SLC25A16: variants seen among roughly 807,000 people sequenced by gnomAD.
SLC25A16 encodes solute carrier family 25 member 16, also known as mitochondrial coenzyme A transporter SLC25A16.
In SLC25A16, 39 loss-of-function variants were observed where a neutral mutation model predicts 41.5. The ratio of observed to expected loss-of-function variants is 0.94; its 90% confidence interval spans 0.73 to 1.23. The LOEUF (loss-of-function observed/expected upper bound fraction) is 1.23. SLC25A16 is among the 50% of genes most tolerant of loss of function. The pLI, the probability that SLC25A16 is intolerant of heterozygous loss-of-function variation, is 0.00. For synonymous variants in SLC25A16, 146 were observed against 147.8 expected, an observed-to-expected ratio of 0.99 and a Z score of 0.09; for missense variants, 421 against 426.9, an observed-to-expected ratio of 0.99 and a Z score of 0.12.
chr10:68,485,003 A>G (rs1297247044), intron 8 of SLC25A16, among the ~76,000 whole-genome samples: 1 of 152,252 alleles, frequency 6.6e-6, no homozygotes, highest in East Asian at 1.9e-4. Context: ...TTGTATTTAA[A>G]AAAAAGAAAC....
chr10:68,513,252 T>C (rs1181852486), intron 2 of SLC25A16, among the ~76,000 whole-genome samples: 1 of 147,748 alleles, frequency 6.8e-6, no homozygotes, highest in African/African-American at 2.5e-5. Flanking sequence ...TTACCAAAAA[T>C]ACAATAATTA....
chr10:68,485,231 A>G (rs1040566903), intron 8 of SLC25A16, among the ~76,000 whole-genome samples: 5 of 151,842 alleles, frequency 3.3e-5, no homozygotes, highest in Non-Finnish European at 4.4e-5. Flanking sequence ...CTGGGACTAC[A>G]GGCGCACACC....
chr10:68,527,277 G>T lies in SLC25A16; in HGVS notation c.99C>A (p.Asp33Glu). 6.5e-7 allele frequency: 1 copy of T among 1,548,288 alleles called. No individual in the cohort carries two copies. The highest frequency in any genetic ancestry group is 8.7e-7 in the Non-Finnish European group (1 of 1,145,842). Reference protein sequence around the residue: ...AGAGGPTTRRDFYWLRSFLAG... With the variant: ...AGAGGPTTRREFYWLRSFLAG... ...CCAGAAAGGAGCGCAGCCAGTAGAA[G>T]TCTCTGCGGGTTGTGGGCCCTCCGG... The change falls in exon 1 of 9, where the codon GAC becomes GAA. Residue 33 changes from aspartate (D) to glutamate (E), a missense_variant. Coordinates refer to ENST00000609923, the MANE Select transcript of SLC25A16 (RefSeq NM_152707.4).
At chr10:68,491,550 AT>A (rs1025252381) in intron 6 of SLC25A16, among the ~76,000 whole-genome samples, 32 of 151,478 alleles carry the variant, frequency 2.1e-4, no homozygotes, top group Non-Finnish European at 2.7e-4. Context: ...TGTTTGTTTG[AT>A]TTTTAGAGAC....
chr10:68,488,348 T>C lies in SLC25A16; in HGVS notation c.773+119A>G, dbSNP rs964502360. 8 of 645,294 alleles carry C rather than the reference T, an allele frequency of 1.2e-5. No homozygotes were observed. In the African/African-American group the frequency reaches 1.3e-4, roughly 11 times the overall value. 40.0% of individuals were successfully genotyped at this position (645,294 alleles called of 1,614,324 possible). A position where few individuals can be genotyped will look rare whatever the true frequency, so the allele number is the denominator to read the frequency against. ...AAAAAATGTATTAAATTGAGACCTA[T>C]ATTTTGCAAGGATCCTCTTTTTGAA... On this transcript the variant is annotated intron_variant, in intron 7 of 8. Transcript: ENST00000609923.
chr10:68,524,813 G>A (rs989238407), intron 1 of SLC25A16, among the ~76,000 whole-genome samples: 1 of 151,902 alleles, frequency 6.6e-6, no homozygotes, highest in Non-Finnish European at 1.5e-5. Flanking sequence ...GGATACGGAG[G>A]TTGCAGTGAG....
chr10:68,507,314 ACCCGTCTCGG>A (rs2052974895), intron 2 of SLC25A16, among the ~76,000 whole-genome samples: 1 of 151,464 alleles, frequency 6.6e-6, no homozygotes, highest in Non-Finnish European at 1.5e-5. Context: ...CTCGTGATCC[ACCCGTCTCGG>A]CCTCCCAAAG....
chr10:68,490,719 A>G (rs1260759280), intron 6 of SLC25A16, among the ~76,000 whole-genome samples: 1 of 152,076 alleles, frequency 6.6e-6, no homozygotes, highest in Non-Finnish European at 1.5e-5. Context: ...CAAAGAAAAC[A>G]AATACTTCCA....
chr10:68,523,291 C>T (rs1359869715), intron 1 of SLC25A16, among the ~76,000 whole-genome samples: 1 of 152,074 alleles, frequency 6.6e-6, no homozygotes, highest in East Asian at 1.9e-4. Flanking sequence ...CTGGGTGTCA[C>T]TATGTTGCCC....
intron 2 of SLC25A16, among the ~76,000 whole-genome samples, chr10:68,510,816 C>T (rs2053049954): frequency 1.3e-5 from 2 of 151,716 alleles, no homozygotes; most frequent in Admixed American, 6.6e-5. Context: ...CCCGCCTGGG[C>T]GACAGAGCAA....
At chr10:68,490,041 G>T (rs1371854322) in intron 6 of SLC25A16, among the ~76,000 whole-genome samples, 1 of 152,086 alleles carries the variant, frequency 6.6e-6, no homozygotes, top group Non-Finnish European at 1.5e-5. Flanking sequence ...TGGGAGGATT[G>T]CTCAAGCTCA....
At chr10:68,483,943 C>T (rs1246858640) in intron 8 of SLC25A16, among the ~76,000 whole-genome samples, 1 of 152,172 alleles carries the variant, frequency 6.6e-6, no homozygotes, top group Non-Finnish European at 1.5e-5. Flanking sequence ...GGATTACAGA[C>T]ATAAGCCACC....
At chr10:68,510,971 G>T (rs1441345650) in intron 2 of SLC25A16, among the ~76,000 whole-genome samples, 1 of 152,188 alleles carries the variant, frequency 6.6e-6, no homozygotes, top group Non-Finnish European at 1.5e-5. Flanking sequence ...CAGTGCAGTG[G>T]CTCACGCCTA....
rs534215282 is a variant in SLC25A16, at chr10:68,482,322, A to G, written c.*1110T>C. The G allele has an allele frequency of 1.1e-4, 17 of 152,642 alleles. No homozygotes were observed. The highest frequency in any genetic ancestry group is 3.6e-4 in the African/African-American group (15 of 41,586). 9.5% of individuals were successfully genotyped at this position (152,642 alleles called of 1,614,324 possible). A position where few individuals can be genotyped will look rare whatever the true frequency, so the allele number is the denominator to read the frequency against. On this transcript the variant is annotated 3_prime_UTR_variant, in exon 9 of 9. Transcript: ENST00000609923. ...ATGACACGCTTATAATAAATCATAAAAAGTACTCTAAACAGAATAAATGGA... is the reference window on the plus strand; with the variant it reads ...ATGACACGCTTATAATAAATCATAAGAAGTACTCTAAACAGAATAAATGGA...
At chr10:68,522,623 T>G (rs955923791) in intron 1 of SLC25A16, among the ~76,000 whole-genome samples, 6 of 151,858 alleles carry the variant, frequency 4.0e-5, no homozygotes, top group Non-Finnish European at 7.4e-5. Flanking sequence ...AGACCATCCT[T>G]GCTAACACGG....
At chr10:68,499,784 G>C (rs1483862983) in intron 4 of SLC25A16, 1 of 427,746 alleles carries the variant, frequency 2.3e-6, no homozygotes, top group African/African-American at 2.0e-5. Context: ...CACTGAATGA[G>C]TGCAGTGGGA....
chr10:68,509,793 AT>A (rs1228563174), intron 2 of SLC25A16, among the ~76,000 whole-genome samples: 3 of 150,654 alleles, frequency 2.0e-5, no homozygotes. Flanking sequence ...AGATAGATAT[AT>A]TTTTTAAAAA....
intron 1 of SLC25A16, among the ~76,000 whole-genome samples, chr10:68,518,427 A>C (rs1196928667): frequency 6.6e-6 from 1 of 152,028 alleles, no homozygotes; most frequent in Non-Finnish European, 1.5e-5. Flanking sequence ...AAAAGAAAAA[A>C]AAAGAAAACA....
chr10:68,488,576 G>C lies in SLC25A16; in HGVS notation c.664C>G (p.Pro222Ala), dbSNP rs777758361. 1 of 1,611,742 alleles carries C rather than the reference G, an allele frequency of 6.2e-7. No homozygotes were observed. Among genetic ancestry groups the C allele is most frequent in the Non-Finnish European group, 8.5e-7 (1 of 1,179,498 alleles). Reference sequence around the variant, plus strand: ...GATGAAGGTCTGCCAAGAAGGGTAGGAGCATGGGAAAGCCCAACACTCTTC... The same window carrying C: ...GATGAAGGTCTGCCAAGAAGGGTAGCAGCATGGGAAAGCCCAACACTCTTC... ...TLKSVGLSHA[P>A]TLLGRPSSDN... The change falls in exon 7 of 9, where the codon CCT (proline) becomes GCT (alanine). Residue 222 changes from proline (P) to alanine (A), a missense_variant. By Grantham distance (27) the Pro-to-Ala change is conservative (BLOSUM62 -1). Transcript: ENST00000609923.
Sources: allele counts gnomAD v4.1 joint callset (sites outside exome capture counted in the v4.1 genomes callset), GRCh38; gene constraint gnomAD v4.1.1; transcripts MANE v1.5; gene names NCBI Gene and HGNC (gene_info 2026-07-23, HGNC 2026-07-21).